Variants in RBMS2 observed in about 807,000 individuals in gnomAD.
RBMS2 encodes the protein RNA-binding motif, single-stranded-interacting protein 2.
A neutral mutation model predicts 58.4 loss-of-function variants in RBMS2; 38 were observed. That is an observed-to-expected ratio of 0.65 (90% CI 0.50 to 0.85). The LOEUF is 0.85. Ranked by LOEUF, RBMS2 falls within the 40% of genes least tolerant of loss-of-function variation. RBMS2 has a pLI of 0.00. For synonymous variants in RBMS2, 151 were observed against 180.7 expected (o/e 0.84, Z 1.32); for missense variants, 367 against 503.7 (o/e 0.73, Z 2.60).
At chr12:56,539,664 C>G (rs1875709273) in intron 1 of RBMS2, 1 of 451,162 alleles carries the variant, frequency 2.2e-6, no homozygotes, top group African/African-American at 2.0e-5. Context: ...ATACCAGTTA[C>G]TGTTCTTTTA....
intron 1 of RBMS2, among the ~76,000 whole-genome samples, chr12:56,561,608 G>A (rs983003126): frequency 2.0e-5 from 3 of 151,554 alleles, no homozygotes; most frequent in East Asian, 3.9e-4. Context: ...CCAGATTCAC[G>A]CCATTCTTCT....
At chr12:56,572,357 C>A (rs1882451112) in intron 5 of RBMS2, among the ~76,000 whole-genome samples, 1 of 151,612 alleles carries the variant, frequency 6.6e-6, no homozygotes, top group Admixed American at 6.6e-5. Flanking sequence ...TTAGCCCCAC[C>A]TAAATATTTT....
At chr12:56,577,858 A>G (rs1883366951) in intron 5 of RBMS2, among the ~76,000 whole-genome samples, 1 of 151,716 alleles carries the variant, frequency 6.6e-6, no homozygotes, top group African/African-American at 2.4e-5. Context: ...AATTTTTTGT[A>G]TTTTAGTAGA....
chr12:56,568,547 T>TC (rs2136458743), intron 2 of RBMS2, among the ~76,000 whole-genome samples: 1 of 151,240 alleles, frequency 6.6e-6, no homozygotes, highest in East Asian at 1.9e-4. Context: ...TTCTTTTTTT[T>TC]TTTTTTTGAG....
intron 1 of RBMS2, among the ~76,000 whole-genome samples, chr12:56,546,288 T>A (rs1323431872): frequency 6.9e-6 from 1 of 144,840 alleles, no homozygotes; most frequent in African/African-American, 2.7e-5. Context: ...TTATTATAAA[T>A]GTATAATGCA....
At chr12:56,586,558 CTT>C (rs574354728) in intron 9 of RBMS2, among the ~76,000 whole-genome samples, 1 of 145,404 alleles carries the variant, frequency 6.9e-6, no homozygotes, top group Non-Finnish European at 1.5e-5. Context: ...TTTCCAAACC[CTT>C]TTTTTTTTTT....
At chr12:56,561,751 G>A (rs190205391) in intron 1 of RBMS2, among the ~76,000 whole-genome samples, 9 of 60,160 alleles carry the variant, frequency 1.5e-4, no homozygotes, top group Admixed American at 5.1e-4. Context: ...TCCTGACCTC[G>A]TGATCCACCC....
At chr12:56,544,701 C>T (rs1484691572) in intron 1 of RBMS2, among the ~76,000 whole-genome samples, 1 of 151,854 alleles carries the variant, frequency 6.6e-6, no homozygotes, top group Non-Finnish European at 1.5e-5. Context: ...ATCTTCCCAC[C>T]TCCTGAGTAG....
At chr12:56,550,140 A>G (rs934911243) in intron 1 of RBMS2, among the ~76,000 whole-genome samples, 23 of 152,216 alleles carry the variant, frequency 1.5e-4, no homozygotes, top group African/African-American at 5.5e-4. Context: ...ATTTATTGAT[A>G]TGTCCTAAAT....
chr12:56,542,611 C>T (rs144280120), intron 1 of RBMS2, among the ~76,000 whole-genome samples: 182 of 148,464 alleles, frequency 1.2e-3, no homozygotes, highest in African/African-American at 4.1e-3. Context: ...TGCAGTGGCC[C>T]GATCTTGGCT....
chr12:56,531,328 T>C (rs957690100), intron 1 of RBMS2, among the ~76,000 whole-genome samples: 3 of 152,260 alleles, frequency 2.0e-5, no homozygotes, highest in African/African-American at 7.2e-5. Context: ...TTAGTGCCTA[T>C]GGTAGGCACT....
In RBMS2 at chr12:56,590,494, C is replaced by G. The variant is rs912264285; in HGVS notation, c.*1361C>G. Reference sequence around the variant, plus strand: ...CCCACTACCCCCAGCCAAGAATTATCTGACTCCAGGGGTCAATATTGCCAA... The same window carrying G: ...CCCACTACCCCCAGCCAAGAATTATGTGACTCCAGGGGTCAATATTGCCAA... On this transcript the variant is annotated 3_prime_UTR_variant, in exon 14 of 14. Coordinates refer to ENST00000262031, the MANE Select transcript of RBMS2 (RefSeq NM_002898.4). The G allele has an allele frequency of 2.0e-5, 3 of 152,352 alleles. No individual in the cohort carries two copies. Among genetic ancestry groups the G allele is most frequent in the Non-Finnish European group, 4.4e-5 (3 of 68,182 alleles). The allele number at this position is 152,352 out of a possible 1,614,324, so 9.4% of individuals were successfully genotyped here.
rs1236212471 is a variant in RBMS2 at position 56,581,432 on chromosome 12, A to T, written c.656A>T (p.Asp219Val). ...GATCCCTTGCTTTGCAAATTTGCTG[A>T]TGGCGGGCCAAAGAAACGACAGAAC... ...PSDPLLCKFA[D>V]GGPKKRQNQG... Residue 219 changes from aspartate to valine, a missense_variant, in exon 7 of 14, where the codon GAT becomes GTT. This residue lies in a region of RBMS2 where 220 missense variants were observed against 261.1 expected (regional missense o/e 0.84). Coordinates refer to ENST00000262031, the MANE Select transcript of RBMS2 (RefSeq NM_002898.4). 1 of 1,614,212 alleles carries T rather than the reference A, an allele frequency of 6.2e-7. No homozygotes were observed. The highest frequency in any genetic ancestry group is 1.1e-5 in the South Asian group (1 of 91,082).
At chr12:56,580,230 CTTT>C (rs544289831) in intron 5 of RBMS2, 4,288 of 308,016 alleles carry the variant, frequency 0.014, no homozygotes, top group East Asian at 0.019. Flanking sequence ...TGAGCCTGGC[CTTT>C]TTTTTTTTTT....
rs556756591 is a variant in RBMS2, at chr12:56,563,579, G to C, written c.233+996G>C. Among the ~76,000 whole-genome samples the C allele has an allele frequency of 6.2e-4, 95 of 152,280 alleles. 1 individual carries two copies. The highest frequency in any genetic ancestry group is 2.1e-3 in the African/African-American group (88 of 41,562). ...ATTAGGAATGTTGGAAAAATGGCAA[G>C]AGTGCACAGATGTCCAGCTCAAAAA... On this transcript the variant is annotated intron_variant, in intron 2 of 13. Coordinates refer to ENST00000262031, the MANE Select transcript of RBMS2 (RefSeq NM_002898.4).
At position 56,581,519 on chromosome 12, in the gene RBMS2, C is replaced by T. The variant is rs1883949340; in HGVS notation, c.732+11C>T. On this transcript the variant is annotated intron_variant, in intron 7 of 13. Transcript: ENST00000262031. ...AGGAATGCAGACATGGTAAGAGGAC[C>T]TCTGAGGAGACAGGAGTACTAACGA... 2 of 1,605,250 alleles carry T rather than the reference C, an allele frequency of 1.2e-6. No individual in the cohort carries two copies. The highest frequency in any genetic ancestry group is 1.3e-5 in the African/African-American group (1 of 74,856).
intron 1 of RBMS2, among the ~76,000 whole-genome samples, chr12:56,525,464 T>C (rs1872499087): frequency 6.6e-6 from 1 of 152,132 alleles, no homozygotes; most frequent in South Asian, 2.1e-4. Flanking sequence ...TCAAGCAATC[T>C]GCCTGCCTCG....
rs564068942 is a variant in RBMS2, at chr12:56,591,689, C to T, written c.*2556C>T. On this transcript the variant is annotated 3_prime_UTR_variant, in exon 14 of 14. Transcript: ENST00000262031. ...CTATGGTAGGAGGTTTAGGAAGGGC[C>T]TTTCACGCATAGAAACCATTGTTGA... is the stretch of plus-strand genomic sequence containing the variant. 23 of 152,192 alleles carry T rather than the reference C, an allele frequency of 1.5e-4. No homozygotes were observed. Among genetic ancestry groups the T allele is most frequent in the African/African-American group, 5.3e-4 (22 of 41,524 alleles). The allele number at this position is 152,192 out of a possible 1,614,324, so 9.4% of individuals were successfully genotyped here.
At chr12:56,541,544 C>T (rs548037118) in intron 1 of RBMS2, among the ~76,000 whole-genome samples, 78 of 152,020 alleles carry the variant, frequency 5.1e-4, no homozygotes, top group Middle Eastern at 3.4e-3. Flanking sequence ...TTGAGAAATA[C>T]GAAAAAGTTT....
Sources: gnomAD v4.1 joint callset for allele counts (sites outside exome capture counted in the v4.1 genomes callset) on GRCh38, gnomAD v4.1.1 for gene constraint, gnomAD v4.1.1 regional missense constraint, MANE v1.5 for transcripts, NCBI Gene and HGNC (gene_info 2026-07-23, HGNC 2026-07-21) for gene names.